The following TTC28 variants were observed in gnomAD, a reference collection of about 807,000 sequenced individuals.
The protein encoded by TTC28 is tetratricopeptide repeat domain 28.
TTC28 carries 61 observed loss-of-function variants against 198.0 expected under a neutral mutation model. That is an observed-to-expected ratio of 0.31 (90% confidence interval 0.25 to 0.38). The LOEUF is 0.38. TTC28 is among the 10% of genes least tolerant of loss of function. The pLI is 1.00. For synonymous variants in TTC28, 1,171 were observed against 1,297.8 expected (o/e 0.90, Z 2.10); for missense variants, 2,678 against 3,164.0 (o/e 0.85, Z 3.69).
Position 28,107,300 on chromosome 22 carries a change from C to A in TTC28, c.2545G>T (p.Val849Leu). The A allele has an allele frequency of 6.4e-7, 1 of 1,551,874 alleles. No individual in the cohort carries two copies. The highest frequency in any genetic ancestry group is 1.2e-5 in the South Asian group (1 of 84,066). The change falls in exon 7 of 23, where the codon GTG becomes TTG. Residue 849 changes from valine (V) to leucine (L), a missense_variant. Val to Leu is a conservative substitution (Grantham distance 32). This residue lies in a region of TTC28 where 775 missense variants were observed against 845.9 expected (regional missense o/e 0.92). Transcript: ENST00000397906. ...AAGTAGCCAATGGCTTCTTCCATCA[C>A]ATTCATGTTCATCTTTGTGATGCCC... Reference protein sequence around the residue: ...NMGITKMNMNVMEEAIGYFEQ... With the variant: ...NMGITKMNMNLMEEAIGYFEQ...
intron 2 of TTC28, among the ~76,000 whole-genome samples, chr22:28,491,329 A>G (rs916760339): frequency 4.6e-5 from 7 of 152,224 alleles, no homozygotes; most frequent in African/African-American, 1.7e-4. Flanking sequence ...GGCAACCTAC[A>G]GAATGGGAGA....
chr22:28,653,126 C>T (rs1268038873), intron 1 of TTC28, among the ~76,000 whole-genome samples: 1 of 152,170 alleles, frequency 6.6e-6, no homozygotes, highest in East Asian at 1.9e-4. Flanking sequence ...GCTTCCCTGA[C>T]TAAAAGCAGT....
intron 6 of TTC28, among the ~76,000 whole-genome samples, chr22:28,118,411 A>C (rs1200536562): frequency 6.6e-6 from 1 of 152,170 alleles, no homozygotes; most frequent in East Asian, 1.9e-4. Context: ...AAGAAAAAAA[A>C]AAAAGAATTA....
chr22:28,216,270 C>G (rs939146599), intron 5 of TTC28, among the ~76,000 whole-genome samples: 3 of 152,134 alleles, frequency 2.0e-5, no homozygotes, highest in African/African-American at 4.8e-5. Context: ...TGAAAGAAGT[C>G]CATATCATCA....
At chr22:28,396,006 T>C (rs2046809521) in intron 2 of TTC28, among the ~76,000 whole-genome samples, 1 of 152,220 alleles carries the variant, frequency 6.6e-6, no homozygotes, top group Admixed American at 6.5e-5. Context: ...ATCACATAGC[T>C]ATTTGGTAGC....
rs117504107 is a variant in TTC28 at position 28,583,376 on chromosome 22, G to A, written c.381+46176C>T. ...TAAAATAAATTGCACTGGGACAGTA[G>A]AATTCCTGCTGAGGACTGAAAGTTA... On this transcript the variant is annotated intron_variant, in intron 2 of 22. Transcript: ENST00000397906. 8.3e-3 allele frequency among the ~76,000 whole-genome samples: 1,261 copies of A among 152,258 alleles called. 3 individuals carry two copies. Among genetic ancestry groups the A allele is most frequent in the Non-Finnish European group, 0.013 (915 of 68,012 alleles).
rs542206610 is a variant in TTC28, at chr22:28,344,242, A to T, written c.382-37599T>A. ...GTGCTACTCACCGAAGAAGAATGAAACATATATTCTCTGAAGCAACATTAC... is the reference window on the plus strand; with the variant it reads ...GTGCTACTCACCGAAGAAGAATGAATCATATATTCTCTGAAGCAACATTAC... On this transcript the variant is annotated intron_variant, in intron 2 of 22. Transcript: ENST00000397906. Among the ~76,000 whole-genome samples the T allele has an allele frequency of 3.9e-5, 6 of 152,010 alleles. No individual in the cohort carries two copies. In the South Asian group the frequency reaches 6.3e-4, roughly 16 times the overall value.
intron 12 of TTC28, among the ~76,000 whole-genome samples, chr22:28,079,348 A>T (rs116262563): frequency 6.6e-6 from 1 of 152,212 alleles, no homozygotes; most frequent in African/African-American, 2.4e-5. Context: ...TATTTTTAAA[A>T]TACTTTAAAA....
chr22:27,983,232 A>G lies in TTC28; in HGVS notation c.6435T>C (p.Ser2145=). Residue 2145 remains serine (S), a synonymous_variant, in exon 23 of 23, where the codon AGT becomes AGC. Coordinates refer to ENST00000397906, the MANE Select transcript of TTC28 (RefSeq NM_001145418.2). Reference sequence around the variant, plus strand: ...TGCTTTCTTCTTGGGATTTCACGGTACTGTCCGTTTCTGTGCTAGACTGGT... The same window carrying G: ...TGCTTTCTTCTTGGGATTTCACGGTGCTGTCCGTTTCTGTGCTAGACTGGT... The part of the protein sequence containing the change: ...ESDQSSTETD[S]TVKSQEESNP... The G allele has an allele frequency of 6.4e-7, 1 of 1,551,764 alleles. No homozygotes were observed. The highest frequency in any genetic ancestry group is 8.7e-7 in the Non-Finnish European group (1 of 1,147,024).
At chr22:28,050,042 T>C (rs937328918) in intron 12 of TTC28, among the ~76,000 whole-genome samples, 7 of 152,090 alleles carry the variant, frequency 4.6e-5, no homozygotes, top group Non-Finnish European at 8.8e-5. Context: ...CATATTACCA[T>C]GAATCCTTAT....
At chr22:28,240,678 C>A (rs767119251) in intron 5 of TTC28, among the ~76,000 whole-genome samples, 1 of 152,074 alleles carries the variant, frequency 6.6e-6, no homozygotes, top group Non-Finnish European at 1.5e-5. Context: ...TTAAAGGGAA[C>A]CAGGGCTAAC....
rs140142821 is a variant in TTC28 at position 28,535,458 on chromosome 22, T to C, written c.381+94094A>G. Among the ~76,000 whole-genome samples, 9 of 152,344 alleles carry C rather than the reference T, an allele frequency of 5.9e-5. No individual in the cohort carries two copies. The East Asian group carries it at 1.7e-3, about 29-fold the overall frequency. On this transcript the variant is annotated intron_variant, in intron 2 of 22. Coordinates refer to ENST00000397906, the MANE Select transcript of TTC28 (RefSeq NM_001145418.2). ...TAAATGAGATTACATAGTATACTTT[T>C]TGTTGCTAAATTTTATACCTTTGAG...
intron 1 of TTC28, among the ~76,000 whole-genome samples, chr22:28,656,468 C>A (rs149550226): frequency 2.0e-5 from 3 of 152,164 alleles, no homozygotes; most frequent in Non-Finnish European, 4.4e-5. Context: ...GAGCAGCTGG[C>A]AAAGCTGAAA....
intron 12 of TTC28, among the ~76,000 whole-genome samples, chr22:28,058,585 T>C (rs774742180): frequency 5.3e-5 from 8 of 152,150 alleles, no homozygotes; most frequent in Non-Finnish European, 7.4e-5. Context: ...ATTTTCTTTT[T>C]ATCTAATATC....
At chr22:28,620,476 T>C (rs1022330026) in intron 2 of TTC28, among the ~76,000 whole-genome samples, 4 of 152,238 alleles carry the variant, frequency 2.6e-5, no homozygotes, top group African/African-American at 9.6e-5. Context: ...CCAAAACTGT[T>C]GTACCAGATC....
At chr22:28,353,356 T>C (rs1159738423) in intron 2 of TTC28, among the ~76,000 whole-genome samples, 2 of 152,170 alleles carry the variant, frequency 1.3e-5, no homozygotes, top group Non-Finnish European at 2.9e-5. Context: ...CTAAAACTCA[T>C]ATGGAATCTC....
intron 5 of TTC28, among the ~76,000 whole-genome samples, chr22:28,242,131 T>C (rs1245042838): frequency 1.3e-5 from 2 of 152,212 alleles, no homozygotes; most frequent in Non-Finnish European, 2.9e-5. Context: ...GCCTCTGCTT[T>C]TTGTTCCCTC....
Position 27,983,438 on chromosome 22 carries a change from A to G in TTC28, c.6229T>C (p.Cys2077Arg). ...GGTTGTTTGTGGTCTGGTGAGAAGCATGTGTTTCGGTTTTCTTGGTAGGTC... is the reference window on the plus strand; with the variant it reads ...GGTTGTTTGTGGTCTGGTGAGAAGCGTGTGTTTCGGTTTTCTTGGTAGGTC... Reference protein sequence around the residue: ...LATYQENRNTCFSPDHKQPQP... With the variant: ...LATYQENRNTRFSPDHKQPQP... Residue 2077 changes from cysteine (C) to arginine (R), a missense_variant, in exon 23 of 23, where the codon TGC becomes CGC. This residue lies in a region of TTC28 where 622 missense variants were observed against 656.0 expected (regional missense o/e 0.95). Transcript: ENST00000397906. 3.2e-6 allele frequency: 5 copies of G among 1,547,848 alleles called. No individual in the cohort carries two copies. The highest frequency in any genetic ancestry group is 4.4e-6 in the Non-Finnish European group (5 of 1,146,120).
chr22:28,540,843 AAT>A (rs2049396154), intron 2 of TTC28, among the ~76,000 whole-genome samples: 1 of 152,216 alleles, frequency 6.6e-6, no homozygotes, highest in South Asian at 2.1e-4. Context: ...GAATAGTTTG[AAT>A]ATGTCTAAAA....
Sources: allele counts gnomAD v4.1 joint callset (sites outside exome capture counted in the v4.1 genomes callset), GRCh38; gene constraint gnomAD v4.1.1; regional missense constraint gnomAD v4.1.1; transcripts MANE v1.5; gene names NCBI Gene and HGNC (gene_info 2026-07-23, HGNC 2026-07-21).